Variants in ISM1 observed in about 807,000 individuals in gnomAD.
The protein encoded by ISM1 is isthmin 1.
Under a neutral mutation model 46.3 loss-of-function variants are expected in ISM1, and 25 were observed. The ratio of observed to expected loss-of-function variants is 0.54; its 90% CI spans 0.39 to 0.75. The LOEUF is 0.75. Ranked by LOEUF, ISM1 falls within the 30% of genes least tolerant of loss-of-function variation. ISM1 has a pLI of 0.00. For missense variants in ISM1, 536 were observed against 625.4 expected, an observed-to-expected ratio of 0.86 and a Z score of 1.52; for synonymous variants, 255 against 256.7, an observed-to-expected ratio of 0.99 and a Z score of 0.06.
chr20:13,238,694 T>A (rs1232014496), intron 1 of ISM1, among the ~76,000 whole-genome samples: 1 of 152,228 alleles, frequency 6.6e-6, no homozygotes, highest in Non-Finnish European at 1.5e-5. Flanking sequence ...TGTTTTTGGC[T>A]TCACATGGAG....
the ISM1 span, among the ~76,000 whole-genome samples, chr20:13,316,423 T>C: frequency 6.6e-6 from 1 of 151,958 alleles, no homozygotes; most frequent in East Asian, 1.9e-4. Flanking sequence ...GTAGAGGGAA[T>C]TATTATTAAC....
chr20:13,310,289 G>T, the ISM1 span, among the ~76,000 whole-genome samples: 1 of 152,184 alleles, frequency 6.6e-6, no homozygotes, highest in East Asian at 1.9e-4. Flanking sequence ...GTGGTCAACT[G>T]ATCTTTGACA....
chr20:13,265,312 CTTTT>C (rs2040031256), intron 1 of ISM1, among the ~76,000 whole-genome samples: 1 of 152,146 alleles, frequency 6.6e-6, no homozygotes, highest in Non-Finnish European at 1.5e-5. Flanking sequence ...ACCTTTCTTT[CTTTT>C]TAATACCAAT....
intron 1 of ISM1, chr20:13,245,474 C>T (rs1711580357): frequency 2.0e-5 from 3 of 152,204 alleles, no homozygotes; most frequent in Non-Finnish European, 2.9e-5. Flanking sequence ...AGAAGCAAGT[C>T]GTTTGCTCCA....
chr20:13,272,932 G>A (rs777695006), intron 2 of ISM1, among the ~76,000 whole-genome samples: 9 of 152,224 alleles, frequency 5.9e-5, no homozygotes, highest in East Asian at 1.9e-4. Context: ...TGTGGCTAGC[G>A]CTTTTTCCCA....
At chr20:13,311,040 A>G in the ISM1 span, among the ~76,000 whole-genome samples, 1,196 of 152,252 alleles carry the variant, frequency 7.9e-3, 18 homozygotes, top group African/African-American at 0.027. Context: ...CTGAAAATAC[A>G]AAAATTAGCT....
the ISM1 span, among the ~76,000 whole-genome samples, chr20:13,307,879 T>C: frequency 6.6e-6 from 1 of 152,138 alleles, no homozygotes; most frequent in Admixed American, 6.5e-5. Context: ...TCACAAAGAG[T>C]GCTACTATGG....
chr20:13,314,073 C>T, the ISM1 span, among the ~76,000 whole-genome samples: 1 of 151,668 alleles, frequency 6.6e-6, no homozygotes, highest in Non-Finnish European at 1.5e-5. Context: ...TAGAAACCAC[C>T]AAAACTGAAA....
rs6078980 is a variant in ISM1 at position 13,298,764 on chromosome 20, G to T, written c.878-178G>T. Among the ~76,000 whole-genome samples the T allele has an allele frequency of 0.62, 94,679 of 151,992 alleles. 30,455 individuals carry two copies. Among genetic ancestry groups the T allele is most frequent in the African/African-American group, 0.8 (33,130 of 41,490 alleles). On this transcript the variant is annotated intron_variant, in intron 5 of 5. Transcript: ENST00000262487. Reference sequence around the variant, plus strand: ...AGAACGGCCATCCACTTCTGATGGTGCCAGGGGGCTGCAGGGGTGTCTGGC... The same window carrying T: ...AGAACGGCCATCCACTTCTGATGGTTCCAGGGGGCTGCAGGGGTGTCTGGC...
chr20:13,280,014 G>C, intron 3 of ISM1, 116 bp downstream of exon 3: 1 of 998,380 alleles, frequency 1.0e-6, no homozygotes, highest in Non-Finnish European at 1.4e-6. Context: ...TCTTCTGTGA[G>C]GCAAACCTCA....
At chr20:13,229,673 T>C (rs1484986368) in intron 1 of ISM1, among the ~76,000 whole-genome samples, 1 of 152,192 alleles carries the variant, frequency 6.6e-6, no homozygotes, top group East Asian at 1.9e-4. Flanking sequence ...TTCTTGTGAG[T>C]AAATTTCTAG....
rs1423303079 is a variant in ISM1, at chr20:13,232,063, CAAAT to C, written c.138+10152_138+10155del. Among the ~76,000 whole-genome samples the C allele has an allele frequency of 2.0e-5, 3 of 152,310 alleles. No individual in the cohort carries two copies. In the East Asian group the frequency reaches 5.8e-4, roughly 29 times the overall value. On this transcript the variant is annotated intron_variant, in intron 1 of 5. Coordinates refer to ENST00000262487, the MANE Select transcript of ISM1 (RefSeq NM_080826.2). Reference sequence around the variant, plus strand: ...AATATTTTCACCAAGGACAAAGAAACAAATAACAGACATGCCTTGCCTCACAGGT... The same window carrying C: ...AATATTTTCACCAAGGACAAAGAAACAACAGACATGCCTTGCCTCACAGGT...
the ISM1 span, among the ~76,000 whole-genome samples, chr20:13,313,004 C>G: frequency 3.3e-5 from 5 of 152,158 alleles, no homozygotes; most frequent in Non-Finnish European, 7.4e-5. Flanking sequence ...TGAGCCTCAT[C>G]TGCGCATCTT....
Position 13,221,791 on chromosome 20 carries a change from G to T in ISM1, c.15G>T (p.Ala5=), listed in dbSNP as rs765606258. Reference sequence around the variant, plus strand: ...GTCTCAAAAGGATGGTGCGCCTGGCGGCCGAGCTGCTGCTGCTGCTGGGGC... The same window carrying T: ...GTCTCAAAAGGATGGTGCGCCTGGCTGCCGAGCTGCTGCTGCTGCTGGGGC... The part of the protein sequence containing the change: MVRL[A]AELLLLLGLL... The change falls in exon 1 of 6, where the codon GCG becomes GCT. Residue 5 remains alanine (A), a synonymous_variant. Transcript: ENST00000262487. The T allele has an allele frequency of 6.9e-7, 1 of 1,452,110 alleles. No homozygotes were observed. Among genetic ancestry groups the T allele is most frequent in the Non-Finnish European group, 9.0e-7 (1 of 1,107,624 alleles). The allele number at this position is 1,452,110 out of a possible 1,614,324, so 90.0% of individuals were successfully genotyped here. A position where few individuals can be genotyped will look rare whatever the true frequency, so the allele number is the denominator to read the frequency against.
At chr20:13,274,039 C>T (rs950392952) in intron 2 of ISM1, among the ~76,000 whole-genome samples, 6 of 149,442 alleles carry the variant, frequency 4.0e-5, no homozygotes, top group African/African-American at 1.0e-4. Flanking sequence ...TGGGAGCCCC[C>T]GCCTTCTGTT....
At chr20:13,262,818 C>A (rs548421651) in intron 1 of ISM1, among the ~76,000 whole-genome samples, 1 of 152,302 alleles carries the variant, frequency 6.6e-6, no homozygotes, top group South Asian at 2.1e-4. Flanking sequence ...AAGCCAGCTC[C>A]CTACCCAAAT....
chr20:13,264,061 G>A (rs375233017), intron 1 of ISM1, among the ~76,000 whole-genome samples: 44 of 152,120 alleles, frequency 2.9e-4, no homozygotes, highest in African/African-American at 8.9e-4. Context: ...CTAGGCCCTC[G>A]TTACCCAATG....
chr20:13,293,019 ACCC>A (rs1201183388), intron 5 of ISM1, among the ~76,000 whole-genome samples: 1 of 150,914 alleles, frequency 6.6e-6, no homozygotes, highest in Non-Finnish European at 1.5e-5. Flanking sequence ...ACATGGTGAA[ACCC>A]CCCCGTCTCT....
chr20:13,222,074 A>G (rs1250436742), intron 1 of ISM1, among the ~76,000 whole-genome samples, 160 bp downstream of exon 1: 2 of 152,288 alleles, frequency 1.3e-5, no homozygotes, highest in East Asian at 3.9e-4. Context: ...TGACTTAGGC[A>G]GAGGCGGAGC....
Sources: allele counts gnomAD v4.1 joint callset (sites outside exome capture counted in the v4.1 genomes callset), GRCh38; gene constraint gnomAD v4.1.1; transcripts MANE v1.5; gene names NCBI Gene and HGNC (gene_info 2026-07-23, HGNC 2026-07-21).